The following UBAC2 variants were observed in gnomAD, a reference collection of about 807,000 sequenced individuals.
UBAC2 encodes the protein UBA domain containing 2.
Under a neutral mutation model 44.0 loss-of-function variants are expected in UBAC2, and 26 were observed. That is an observed-to-expected ratio of 0.59 (90% CI 0.43 to 0.82). The LOEUF (loss-of-function observed/expected upper bound fraction) is 0.82, where lower values mean the gene tolerates loss of function less well. Ranked by LOEUF, UBAC2 falls within the 40% of genes least tolerant of loss-of-function variation. UBAC2 has a pLI of 0.00. For synonymous variants in UBAC2, 155 were observed against 154.3 expected, an observed-to-expected ratio of 1.00 and a Z score of -0.04; for missense variants, 329 against 419.4, an observed-to-expected ratio of 0.78 and a Z score of 1.88.
At chr13:99,253,386 A>G (rs2043484972) in intron 4 of UBAC2, among the ~76,000 whole-genome samples, 1 of 152,170 alleles carries the variant, frequency 6.6e-6, no homozygotes, top group African/African-American at 2.4e-5. Context: ...TATATTTCGA[A>G]CAGAAGAATT....
intron 4 of UBAC2, among the ~76,000 whole-genome samples, chr13:99,289,576 A>G (rs1392653549): frequency 6.6e-6 from 1 of 152,136 alleles, no homozygotes; most frequent in East Asian, 1.9e-4. Flanking sequence ...AGAACTGGAT[A>G]GTGTCTGCAT....
At chr13:99,325,974 C>T (rs1429134900) in intron 6 of UBAC2, among the ~76,000 whole-genome samples, 4 of 152,158 alleles carry the variant, frequency 2.6e-5, no homozygotes, top group Non-Finnish European at 5.9e-5. Context: ...CCCATGTTGG[C>T]TATTGCAAAT....
intron 8 of UBAC2, among the ~76,000 whole-genome samples, chr13:99,369,157 C>G (rs1402718279): frequency 6.6e-6 from 1 of 152,092 alleles, no homozygotes; most frequent in Non-Finnish European, 1.5e-5. Flanking sequence ...ATGATAGTAT[C>G]AGAAAATCAC....
At chr13:99,265,551 T>C (rs538961798) in intron 4 of UBAC2, among the ~76,000 whole-genome samples, 1 of 152,156 alleles carries the variant, frequency 6.6e-6, no homozygotes, top group African/African-American at 2.4e-5. Flanking sequence ...TTGACAGTCA[T>C]GTGGGTACTG....
At chr13:99,362,215 C>G (rs1203494713) in intron 7 of UBAC2, among the ~76,000 whole-genome samples, 1 of 152,052 alleles carries the variant, frequency 6.6e-6, no homozygotes, top group African/African-American at 2.4e-5. Flanking sequence ...AAATCTAATT[C>G]ATTTATTGTA....
chr13:99,323,323 A>G (rs982847999), intron 6 of UBAC2, among the ~76,000 whole-genome samples: 3 of 152,190 alleles, frequency 2.0e-5, no homozygotes, highest in Non-Finnish European at 2.9e-5. Flanking sequence ...AAGGCTAACC[A>G]GATACAGTGG....
In UBAC2 at chr13:99,340,489, A is replaced by G; in HGVS notation, c.731A>G (p.Gln244Arg). The change falls in exon 7 of 9, where the codon CAG becomes CGG. Residue 244 changes from glutamine to arginine, a missense_variant. Gln to Arg is a conservative substitution (Grantham distance 43). Coordinates refer to ENST00000403766, the MANE Select transcript of UBAC2 (RefSeq NM_001144072.2). ...GGAGCCACGCTGGACATCCAGAGAC[A>G]GCAGAGAATGGAGCTGCTGGACCGG... The part of the protein sequence containing the change: ...GMGATLDIQR[Q>R]QRMELLDRQL... 1 of 1,614,240 alleles carries G rather than the reference A, an allele frequency of 6.2e-7. No individual in the cohort carries two copies. The highest frequency in any genetic ancestry group is 2.2e-5 in the East Asian group (1 of 44,892).
chr13:99,351,193 A>T (rs757135284), intron 7 of UBAC2, among the ~76,000 whole-genome samples: 1 of 152,226 alleles, frequency 6.6e-6, no homozygotes, highest in Non-Finnish European at 1.5e-5. Context: ...GCTCTATCAG[A>T]TATTAGTTAT....
intron 6 of UBAC2, among the ~76,000 whole-genome samples, chr13:99,337,061 A>G (rs1317214976): frequency 6.6e-6 from 1 of 152,082 alleles, no homozygotes; most frequent in South Asian, 2.1e-4. Context: ...GTTTAGGTTC[A>G]TTCATTCACA....
At chr13:99,274,565 A>G (rs181497055) in intron 4 of UBAC2, among the ~76,000 whole-genome samples, 61 of 152,048 alleles carry the variant, frequency 4.0e-4, no homozygotes, top group African/African-American at 1.4e-3. Context: ...AGCTCAAGTG[A>G]TCCTCCTGCC....
intron 6 of UBAC2, among the ~76,000 whole-genome samples, chr13:99,320,671 C>A (rs1174566758): frequency 6.6e-6 from 1 of 152,008 alleles, no homozygotes; most frequent in African/African-American, 2.4e-5. Context: ...TTGTTTTGAA[C>A]CTAAGGAACA....
At chr13:99,324,135 TAACA>T (rs2044605697) in intron 6 of UBAC2, among the ~76,000 whole-genome samples, 1 of 152,224 alleles carries the variant, frequency 6.6e-6, no homozygotes, top group South Asian at 2.1e-4. Context: ...TATTTTTCTT[TAACA>T]AACACACAGC....
intron 1 of UBAC2, among the ~76,000 whole-genome samples, chr13:99,217,677 G>A (rs1430291826): frequency 1.3e-5 from 2 of 152,188 alleles, no homozygotes; most frequent in African/African-American, 4.8e-5. Flanking sequence ...TGCTTCTCCA[G>A]GCCCCAGGCG....
chr13:99,306,205 G>T (rs768219680), intron 4 of UBAC2, among the ~76,000 whole-genome samples: 11 of 152,078 alleles, frequency 7.2e-5, no homozygotes, highest in Non-Finnish European at 5.9e-5. Flanking sequence ...CTGATTCAGG[G>T]TCTTTATGTA....
At chr13:99,349,485 T>C (rs1594156396) in intron 7 of UBAC2, among the ~76,000 whole-genome samples, 2 of 152,244 alleles carry the variant, frequency 1.3e-5, no homozygotes, top group East Asian at 3.9e-4. Context: ...AGACCAGTAG[T>C]GGCCCTGAAC....
At chr13:99,261,884 C>T (rs1243195287) in intron 4 of UBAC2, 3 of 152,206 alleles carry the variant, frequency 2.0e-5, no homozygotes, top group Non-Finnish European at 2.9e-5. Flanking sequence ...ACAGTAGTCC[C>T]CTTATCCGCA....
rs201001697 is a variant in UBAC2, at chr13:99,296,593, A to AT, written c.390-17495dup. ...TGCTTTTAAATTTAATTTCAGTTGG[A>AT]TTTTTTTTTAACCAAATGCATATCA... On this transcript the variant is annotated intron_variant, in intron 4 of 8. Transcript: ENST00000403766. 3.2e-3 allele frequency among the ~76,000 whole-genome samples: 483 copies of AT among 151,654 alleles called. 1 individual carries two copies. Among genetic ancestry groups the AT allele is most frequent in the African/African-American group, 1.0e-2 (412 of 41,326 alleles).
intron 4 of UBAC2, among the ~76,000 whole-genome samples, chr13:99,306,229 A>G (rs1278259078): frequency 1.3e-5 from 2 of 152,124 alleles, no homozygotes; most frequent in Admixed American, 6.5e-5. Context: ...TATCCATAAC[A>G]TATCTGTTGG....
intron 6 of UBAC2, among the ~76,000 whole-genome samples, chr13:99,335,746 C>G (rs964348725): frequency 3.4e-4 from 51 of 152,122 alleles, no homozygotes; most frequent in African/African-American, 1.2e-3. Context: ...TTTCTGCTTC[C>G]TCTCTCTCTC....
Sources: allele counts gnomAD v4.1 joint callset (sites outside exome capture counted in the v4.1 genomes callset), GRCh38; gene constraint gnomAD v4.1.1; transcripts MANE v1.5; gene names NCBI Gene and HGNC (gene_info 2026-07-23, HGNC 2026-07-21).